The following RBFOX1 variants were observed in gnomAD, a reference collection of about 807,000 sequenced individuals.
The protein encoded by RBFOX1 is RNA binding protein fox-1 homolog 1.
A neutral mutation model predicts 57.7 loss-of-function variants in RBFOX1; 8 were observed. That is an observed-to-expected ratio of 0.14 (90% CI 0.08 to 0.25). RBFOX1 has a LOEUF of 0.25. Among genes scored for constraint, RBFOX1 ranks in the 10% least tolerant of loss-of-function variants. The pLI is 1.00. For missense variants in RBFOX1, 611 were observed against 548.5 expected (o/e 1.11, Z -1.14); for synonymous variants, 326 against 222.4 (o/e 1.47, Z -4.15).
At chr16:6,074,098 G>A (rs920468787) in intron 1 of RBFOX1, among the ~76,000 whole-genome samples, 4 of 152,018 alleles carry the variant, frequency 2.6e-5, no homozygotes, top group African/African-American at 4.8e-5. Context: ...ATAGGCGCCC[G>A]CCACCACGCC....
intron 3 of RBFOX1, among the ~76,000 whole-genome samples, chr16:5,734,333 C>A (rs1196485131): frequency 6.6e-6 from 1 of 152,138 alleles, no homozygotes; most frequent in Non-Finnish European, 1.5e-5. Flanking sequence ...GATTCTGAGG[C>A]AGGAGGATCA....
In RBFOX1 at chr16:7,171,989, G is replaced by A. The variant is rs1014195345; in HGVS notation, c.27+119891G>A. Among the ~76,000 whole-genome samples the A allele has an allele frequency of 2.0e-5, 3 of 152,118 alleles. No individual in the cohort carries two copies. In the South Asian group the frequency reaches 6.2e-4, roughly 32 times the overall value. On this transcript the variant is annotated intron_variant, in intron 4 of 15. Coordinates refer to ENST00000550418, the MANE Select transcript of RBFOX1 (RefSeq NM_018723.4). ...GCCCTGGAAGCTGTGTAGTATAGTA[G>A]GAAGAATCCTACATTCACAGAGAGG...
At chr16:7,620,519 C>T (rs1194462699) in intron 10 of RBFOX1, among the ~76,000 whole-genome samples, 3 of 152,316 alleles carry the variant, frequency 2.0e-5, no homozygotes, top group Non-Finnish European at 2.9e-5. Context: ...GTAGAAGATA[C>T]ATTCTGCCCA....
At chr16:6,141,320 G>A (rs190649813) in intron 1 of RBFOX1, among the ~76,000 whole-genome samples, 4 of 152,246 alleles carry the variant, frequency 2.6e-5, no homozygotes, top group Non-Finnish European at 4.4e-5. Context: ...AGGGCGATAC[G>A]GAAGAGCTGA....
intron 2 of RBFOX1, among the ~76,000 whole-genome samples, chr16:5,580,222 C>T (rs983340511): frequency 3.9e-5 from 6 of 152,210 alleles, no homozygotes; most frequent in African/African-American, 1.4e-4. Flanking sequence ...GCATGAATAA[C>T]AGTTGGGCCT....
intron 1 of RBFOX1, among the ~76,000 whole-genome samples, chr16:5,308,482 C>G (rs892385582): frequency 1.4e-4 from 21 of 152,164 alleles, no homozygotes; most frequent in African/African-American, 5.1e-4. Context: ...ACTGATCTGA[C>G]TGATCAATTT....
At chr16:7,028,460 G>T (rs1227777603) in intron 3 of RBFOX1, among the ~76,000 whole-genome samples, 1 of 151,806 alleles carries the variant, frequency 6.6e-6, no homozygotes, top group Non-Finnish European at 1.5e-5. Context: ...GGTGGCTCAT[G>T]CCTGTAATCC....
At chr16:5,679,329 T>G (rs2050259393) in intron 3 of RBFOX1, among the ~76,000 whole-genome samples, 1 of 150,300 alleles carries the variant, frequency 6.7e-6, no homozygotes, top group African/African-American at 2.5e-5. Flanking sequence ...CCACCAATTC[T>G]CTCTCTTTTT....
At chr16:7,700,653 AG>A (rs1237458777) in intron 14 of RBFOX1, among the ~76,000 whole-genome samples, 4 of 152,220 alleles carry the variant, frequency 2.6e-5, no homozygotes, top group Admixed American at 2.0e-4. Flanking sequence ...GATGGCCTTG[AG>A]CTCTGCATTA....
chr16:5,542,545 C>G (rs957949881), intron 2 of RBFOX1, among the ~76,000 whole-genome samples: 4 of 152,006 alleles, frequency 2.6e-5, no homozygotes, highest in Non-Finnish European at 5.9e-5. Flanking sequence ...GCGTGAACCA[C>G]CGCATCCAGC....
chr16:7,095,810 A>G (rs186429817), intron 4 of RBFOX1, among the ~76,000 whole-genome samples: 56 of 152,240 alleles, frequency 3.7e-4, no homozygotes, highest in African/African-American at 1.2e-3. Flanking sequence ...CAGGAGATCG[A>G]GACCATCCTG....
intron 2 of RBFOX1, among the ~76,000 whole-genome samples, chr16:6,507,779 A>G (rs1237952182): frequency 6.6e-6 from 1 of 152,122 alleles, no homozygotes; most frequent in Non-Finnish European, 1.5e-5. Flanking sequence ...TCAAATTCAT[A>G]AAGACAGAAA....
chr16:6,434,791 C>T (rs1047876699), intron 2 of RBFOX1, among the ~76,000 whole-genome samples: 2 of 152,160 alleles, frequency 1.3e-5, no homozygotes, highest in African/African-American at 4.8e-5. Flanking sequence ...TAGAGAATGA[C>T]CACCTGCATT....
intron 4 of RBFOX1, among the ~76,000 whole-genome samples, chr16:7,478,374 C>G (rs949497649): frequency 3.3e-5 from 5 of 152,140 alleles, no homozygotes; most frequent in African/African-American, 1.2e-4. Context: ...AAAAATACAT[C>G]TAAAGGGAAA....
At chr16:7,234,213 G>T (rs908375008) in intron 4 of RBFOX1, among the ~76,000 whole-genome samples, 1 of 152,084 alleles carries the variant, frequency 6.6e-6, no homozygotes, top group East Asian at 1.9e-4. Flanking sequence ...GACAGTGAGG[G>T]CTCACATGCT....
At chr16:7,198,707 C>A (rs866996270) in intron 4 of RBFOX1, among the ~76,000 whole-genome samples, 3 of 152,172 alleles carry the variant, frequency 2.0e-5, no homozygotes, top group Non-Finnish European at 4.4e-5. Context: ...CACATGATAA[C>A]TAACTCACTG....
intron 4 of RBFOX1, among the ~76,000 whole-genome samples, chr16:7,189,142 A>C (rs541412524): frequency 2.6e-5 from 4 of 152,158 alleles, no homozygotes; most frequent in African/African-American, 9.6e-5. Context: ...AGGAATCCTC[A>C]GGGCTGGGCA....
chr16:6,720,641 T>C (rs2065802818), intron 3 of RBFOX1, among the ~76,000 whole-genome samples: 3 of 152,062 alleles, frequency 2.0e-5, no homozygotes, highest in Admixed American at 6.5e-5. Context: ...AAGAGACGTG[T>C]CGGGAGAATA....
intron 1 of RBFOX1, among the ~76,000 whole-genome samples, chr16:5,452,275 C>G (rs948305587): frequency 6.6e-6 from 1 of 151,944 alleles, no homozygotes; most frequent in African/African-American, 2.4e-5. Context: ...TGCACCACCA[C>G]GCCCAGCTAA....
Sources: gnomAD v4.1 joint callset for allele counts (sites outside exome capture counted in the v4.1 genomes callset) on GRCh38, gnomAD v4.1.1 for gene constraint, MANE v1.5 for transcripts, NCBI Gene and HGNC (gene_info 2026-07-23, HGNC 2026-07-21) for gene names.